FCRL6: variants seen among roughly 807,000 people sequenced by gnomAD.
FCRL6 encodes Fc receptor like 6, also known as Fc receptor-like protein 6.
A neutral mutation model predicts 49.1 loss-of-function variants in FCRL6; 50 were observed. The ratio of observed to expected loss-of-function variants is 1.02; its 90% confidence interval spans 0.81 to 1.29. The LOEUF is 1.29. Among genes scored for constraint, FCRL6 ranks in the 50% most tolerant of loss-of-function variants. The pLI is 0.00. For missense variants in FCRL6, 571 were observed against 518.5 expected, an observed-to-expected ratio of 1.10 and a Z score of -0.98; for synonymous variants, 213 against 199.6, an observed-to-expected ratio of 1.07 and a Z score of -0.57.
chr1:159,815,515 C>A (rs1417048025), intron 9 of FCRL6, 21 bp from the exon 10 acceptor site: 2 of 1,614,064 alleles, frequency 1.2e-6, no homozygotes, highest in Non-Finnish European at 1.7e-6. Flanking sequence ...GCTTCCTCAT[C>A]CTGAGCCAAC....
intron 6 of FCRL6, among the ~76,000 whole-genome samples, chr1:159,812,160 C>T (rs955687451): frequency 3.9e-5 from 6 of 152,228 alleles, no homozygotes; most frequent in Admixed American, 1.3e-4. Flanking sequence ...GCAAACAGGA[C>T]TGCTGGTGGT....
rs12083967 is a variant in FCRL6, at chr1:159,809,193, T to C, written c.552T>C (p.Pro184=). ...GGCTTTACTGGTGTGAGGTGGCCCC[T>C]GAGGGTGGCCAGGTCCAGAAGCAGA... The part of the protein sequence containing the change: ...DSGLYWCEVA[P]EGGQVQKQSP... The change falls in exon 4 of 10, where the codon CCT becomes CCC. Residue 184 remains proline, a synonymous_variant. Coordinates refer to ENST00000368106, the MANE Select transcript of FCRL6 (RefSeq NM_001004310.3). The C allele has an allele frequency of 0.2, 318,637 of 1,601,252 alleles. 35,776 individuals are homozygous for C. Among genetic ancestry groups the C allele is most frequent in the African/African-American group, 0.48 (36,019 of 74,426 alleles).
intron 6 of FCRL6, among the ~76,000 whole-genome samples, chr1:159,810,587 G>T (rs61821628): frequency 6.6e-6 from 1 of 151,710 alleles, no homozygotes; most frequent in African/African-American, 2.4e-5. Flanking sequence ...AAAAAAAAAG[G>T]CCTCCACCTC....
chr1:159,800,575 G>A (rs1255671967), upstream of FCRL6: 4 of 1,549,806 alleles, frequency 2.6e-6, no homozygotes, highest in South Asian at 3.6e-5. Flanking sequence ...GTTGGAAAGA[G>A]AACGATAGAG....
chr1:159,809,928 T>G (rs570633656), intron 5 of FCRL6, among the ~76,000 whole-genome samples, 166 bp from the exon 6 acceptor site: 21 of 152,282 alleles, frequency 1.4e-4, no homozygotes, highest in Admixed American at 1.0e-3. Flanking sequence ...GTCACCATCA[T>G]CCTTGCTGCC....
intron 7 of FCRL6, 32 bp from the exon 8 acceptor site, chr1:159,814,189 G>T: frequency 6.3e-7 from 1 of 1,595,902 alleles, no homozygotes; most frequent in South Asian, 1.1e-5. Flanking sequence ...AGAGTCAGGA[G>T]GATCCTATTT....
chr1:159,800,951 G>C (rs1662295230), upstream of FCRL6, among the ~76,000 whole-genome samples: 1 of 152,150 alleles, frequency 6.6e-6, no homozygotes, highest in Non-Finnish European at 1.5e-5. Context: ...ACTTGAACCT[G>C]GGAGGCGGAG....
intron 6 of FCRL6, among the ~76,000 whole-genome samples, 189 bp downstream of exon 6, chr1:159,810,405 A>G (rs1663023628): frequency 6.6e-6 from 1 of 152,152 alleles, no homozygotes; most frequent in African/African-American, 2.4e-5. Flanking sequence ...CAAAACATAT[A>G]CACACATGCA....
At chr1:159,806,343 C>G (rs988014811) in intron 1 of FCRL6, among the ~76,000 whole-genome samples, 1 of 151,850 alleles carries the variant, frequency 6.6e-6, no homozygotes, top group African/African-American at 2.4e-5. Flanking sequence ...GTCAAGTGGC[C>G]GGGTGGTTGG....
Position 159,809,043 on chromosome 1 carries a change from A to G in FCRL6, c.402A>G (p.Thr134=). Residue 134 remains threonine, a synonymous_variant, in exon 4 of 10, where the codon ACA becomes ACG. Coordinates refer to ENST00000368106, the MANE Select transcript of FCRL6 (RefSeq NM_001004310.3). ...GCCTGGTGACCCTGAGATGTCAGAC[A>G]AAGCTGCACCCCCTGAGGTCAGCCT... ...EGSLVTLRCQ[T]KLHPLRSALR... The G allele has an allele frequency of 6.2e-7, 1 of 1,614,012 alleles. No individual in the cohort carries two copies. The highest frequency in any genetic ancestry group is 8.5e-7 in the Non-Finnish European group (1 of 1,179,952).
chr1:159,815,837 G>C lies in FCRL6; in HGVS notation c.*176G>C. 1 of 666,094 alleles carries C rather than the reference G, an allele frequency of 1.5e-6. No homozygotes were observed. Among genetic ancestry groups the C allele is most frequent in the Non-Finnish European group, 2.5e-6 (1 of 401,388 alleles). The allele number at this position is 666,094 out of a possible 1,614,324, so 41.3% of individuals were successfully genotyped here. On this transcript the variant is annotated 3_prime_UTR_variant, in exon 10 of 10. Transcript: ENST00000368106. The stretch of plus-strand genomic sequence containing the variant: ...TGAACCCTGGGTTCTTTTCTTAGCA[G>C]AAGACCAACCAATGGAATGGGAAGG...
rs781100137 is a variant in FCRL6 at position 159,809,130 on chromosome 1, A to G, written c.489A>G (p.Pro163=). The G allele has an allele frequency of 6.2e-7, 1 of 1,614,062 alleles. No individual in the cohort carries two copies. The highest frequency in any genetic ancestry group is 8.5e-7 in the Non-Finnish European group (1 of 1,179,960). ...CCTTGCAGGACAGGGGCCCTCACCC[A>G]GAACTCTGCATCCCGGGAGCCAAGG... ...GHTLQDRGPH[P]ELCIPGAKEG... The change falls in exon 4 of 10, where the codon CCA becomes CCG. Residue 163 remains proline (P), a synonymous_variant. Transcript: ENST00000368106.
chr1:159,807,484 C>A (rs1056231454), intron 2 of FCRL6, among the ~76,000 whole-genome samples: 1 of 152,206 alleles, frequency 6.6e-6, no homozygotes, highest in African/African-American at 2.4e-5. Flanking sequence ...GAGCTCTTCT[C>A]CTGCTCACAT....
chr1:159,812,087 A>T (rs1031267375), intron 6 of FCRL6, among the ~76,000 whole-genome samples: 4 of 152,204 alleles, frequency 2.6e-5, no homozygotes, highest in African/African-American at 9.7e-5. Context: ...AACCATCACC[A>T]CCACACCCAC....
chr1:159,808,076 G>A (rs1212938337), intron 2 of FCRL6, 102 bp from the exon 3 acceptor site: 16 of 1,339,018 alleles, frequency 1.2e-5, no homozygotes, highest in Non-Finnish European at 1.7e-5. Context: ...GCCATCCAAG[G>A]GCCTCCATCC....
Position 159,815,738 on chromosome 1 carries a change from C to T in FCRL6, c.*77C>T. ...CAGGAAGACAGTGGGGTCCTCAACT[C>T]TTTCTGTGGGTCCTTCAGTTCCCAA... On this transcript the variant is annotated 3_prime_UTR_variant, in exon 10 of 10. Transcript: ENST00000368106. 1.3e-6 allele frequency: 2 copies of T among 1,566,568 alleles called. No individual in the cohort carries two copies. The highest frequency in any genetic ancestry group is 1.7e-6 in the Non-Finnish European group (2 of 1,148,618).
In FCRL6 at chr1:159,815,735, ACT is replaced by A. The variant is rs1446525421; in HGVS notation, c.*77_*78del. ...CCTCAGGAAGACAGTGGGGTCCTCA[ACT>A]CTTTCTGTGGGTCCTTCAGTTCCCA... On this transcript the variant is annotated 3_prime_UTR_variant, in exon 10 of 10. Coordinates refer to ENST00000368106, the MANE Select transcript of FCRL6 (RefSeq NM_001004310.3). The A allele has an allele frequency of 6.4e-7, 1 of 1,571,846 alleles. No homozygotes were observed. Among genetic ancestry groups the A allele is most frequent in the Non-Finnish European group, 8.7e-7 (1 of 1,152,710 alleles).
intron 2 of FCRL6, among the ~76,000 whole-genome samples, chr1:159,806,854 C>T (rs1361642813): frequency 6.6e-6 from 1 of 152,160 alleles, no homozygotes; most frequent in Non-Finnish European, 1.5e-5. Flanking sequence ...GACTCTAGGC[C>T]TCTATCTTAT....
intron 6 of FCRL6, among the ~76,000 whole-genome samples, chr1:159,810,890 A>G (rs1663052591): frequency 6.6e-6 from 1 of 152,194 alleles, no homozygotes; most frequent in Non-Finnish European, 1.5e-5. Flanking sequence ...TTAATGAGAT[A>G]ACATTTATCT....
Sources: gnomAD v4.1 joint callset for allele counts (sites outside exome capture counted in the v4.1 genomes callset) on GRCh38, gnomAD v4.1.1 for gene constraint, MANE v1.5 for transcripts, NCBI Gene and HGNC (gene_info 2026-07-23, HGNC 2026-07-21) for gene names.